TRABD: variants seen among roughly 807,000 people sequenced by gnomAD.
TRABD encodes traB domain-containing protein.
A neutral mutation model predicts 39.6 loss-of-function variants in TRABD; 23 were observed. The observed-to-expected ratio is 0.58, with a 90% CI of 0.42 to 0.82. The LOEUF is 0.82. Ranked by LOEUF, TRABD falls within the 40% of genes least tolerant of loss-of-function variation. The pLI is 0.00. For missense variants in TRABD, 487 were observed against 544.9 expected, an observed-to-expected ratio of 0.89 and a Z score of 1.06; for synonymous variants, 243 against 232.1, an observed-to-expected ratio of 1.05 and a Z score of -0.43.
rs1157807095 is a variant in TRABD at position 50,198,924 on chromosome 22, G to A, written c.*405G>A. 1.0e-5 allele frequency: 6 copies of A among 589,120 alleles called. No individual in the cohort carries two copies. Among genetic ancestry groups the A allele is most frequent in the Admixed American group, 6.2e-5 (2 of 32,502 alleles). The allele number at this position is 589,120 out of a possible 1,614,324, so 36.5% of individuals were successfully genotyped here. A position where few individuals can be genotyped will look rare whatever the true frequency, so the allele number is the denominator to read the frequency against. On this transcript the variant is annotated 3_prime_UTR_variant, in exon 10 of 10. Coordinates refer to ENST00000380909, the MANE Select transcript of TRABD (RefSeq NM_001320485.2). This position sits in a 1 kb window ranked among gnomAD's most constrained non-coding sequence, Gnocchi z 7.9. ...TCCGGCCACAGGAGCGTCGGCCCAG[G>A]GGCGGCTCCTGGGGGCTCCAGGGCA...
At position 50,196,728 on chromosome 22, in the gene TRABD, G is replaced by C. The variant is rs370623267; in HGVS notation, c.421-513G>C. On this transcript the variant is annotated intron_variant, in intron 5 of 9. Transcript: ENST00000380909. ...TTCTTCTTTTTTTTTTTTTGAGACA[G>C]AGCAGTCTCACTCTGTCACCCAGGC... 4.6e-5 allele frequency among the ~76,000 whole-genome samples: 7 copies of C among 150,874 alleles called. No individual in the cohort carries two copies. The South Asian group carries it at 1.3e-3, about 27-fold the overall frequency.
rs752114049 is a variant in TRABD at position 50,197,856 on chromosome 22, C to A, written c.705C>A (p.Asp235Glu). 12 of 1,608,874 alleles carry A rather than the reference C, an allele frequency of 7.5e-6. No homozygotes were observed. The highest frequency in any genetic ancestry group is 9.3e-6 in the Non-Finnish European group (11 of 1,178,996). ...KDDVERCKQK[D>E]LLEQMMAEMI... ...ACGTGGAACGCTGCAAGCAGAAGGA[C>A]CTACTGGAGCAGATGATGGCCGAGA... is the stretch of plus-strand genomic sequence containing the variant. Residue 235 changes from aspartate to glutamate, a missense_variant, in exon 8 of 10, where the codon GAC becomes GAA. Asp to Glu is a conservative substitution (Grantham distance 45, BLOSUM62 2). Transcript: ENST00000380909.
rs372703900 is a variant in TRABD, at chr22:50,198,953, G to A, written c.*434G>A. The A allele has an allele frequency of 3.5e-4, 212 of 604,528 alleles. 3 individuals are homozygous for A. The East Asian group carries it at 4.8e-3, about 14-fold the overall frequency. 37.4% of individuals were successfully genotyped at this position (604,528 alleles called of 1,614,324 possible). A position where few individuals can be genotyped will look rare whatever the true frequency, so the allele number is the denominator to read the frequency against. On this transcript the variant is annotated 3_prime_UTR_variant, in exon 10 of 10. Coordinates refer to ENST00000380909, the MANE Select transcript of TRABD (RefSeq NM_001320485.2). The surrounding 1 kb of genome is among the most constrained non-coding windows in gnomAD (Gnocchi z 7.9). ...GGCTCCTGGGGGCTCCAGGGCAGGC[G>A]AGACTGGGAAAGGCCCAGCCCTGGA... is the stretch of plus-strand genomic sequence containing the variant.
intron 1 of TRABD, among the ~76,000 whole-genome samples, chr22:50,190,810 G>C (rs189940980): frequency 6.6e-6 from 1 of 152,198 alleles, no homozygotes; most frequent in Non-Finnish European, 1.5e-5. Context: ...GGTTCCGGTC[G>C]GGTTGCATCG....
At chr22:50,193,128 G>A in intron 2 of TRABD, 35 bp downstream of exon 2, 1 of 1,521,746 alleles carries the variant, frequency 6.6e-7, no homozygotes, top group Non-Finnish European at 8.8e-7. Flanking sequence ...CACAGAGACA[G>A]GGGCGGGGGG....
At chr22:50,197,799 G>T in intron 7 of TRABD, 24 bp from the exon 8 acceptor site, 6 of 1,605,650 alleles carry the variant, frequency 3.7e-6, no homozygotes, top group Non-Finnish European at 5.1e-6. Flanking sequence ...ATCCCTGCGG[G>T]GCTGCAGCCA....
chr22:50,197,401 G>T, intron 6 of TRABD, 48 bp from the exon 7 acceptor site: 1 of 1,612,260 alleles, frequency 6.2e-7, no homozygotes, highest in Non-Finnish European at 8.5e-7. Flanking sequence ...GGCTCACAGG[G>T]GTGGTCCGGG....
chr22:50,186,971 A>G (rs2063775493), intron 1 of TRABD, among the ~76,000 whole-genome samples: 1 of 152,238 alleles, frequency 6.6e-6, no homozygotes. Context: ...CAGCCTCGGT[A>G]GCCTCCAGAT....
In TRABD at chr22:50,193,244, G is replaced by A; in HGVS notation, c.33+151G>A. The A allele has an allele frequency of 1.4e-5, 15 of 1,054,676 alleles. 1 individual carries two copies. The South Asian group carries it at 2.5e-4, about 18-fold the overall frequency. The allele number at this position is 1,054,676 out of a possible 1,614,324, so 65.3% of individuals were successfully genotyped here. A position where few individuals can be genotyped will look rare whatever the true frequency, so the allele number is the denominator to read the frequency against. On this transcript the variant is annotated intron_variant, in intron 2 of 9. Coordinates refer to ENST00000380909, the MANE Select transcript of TRABD (RefSeq NM_001320485.2). Reference sequence around the variant, plus strand: ...AGGCAGGAGGCACCTCCGAGGGAGAGGGGCGCTGGGCTGAGGTGGCCTGGT... The same window carrying A: ...AGGCAGGAGGCACCTCCGAGGGAGAAGGGCGCTGGGCTGAGGTGGCCTGGT...
Position 50,196,982 on chromosome 22 carries a change from G to A in TRABD, c.421-259G>A, listed in dbSNP as rs190683767. 2,092 of 478,250 alleles carry A rather than the reference G, an allele frequency of 4.4e-3. 20 individuals carry two copies. The highest frequency in any genetic ancestry group is 0.018 in the South Asian group (657 of 36,410). The allele number at this position is 478,250 out of a possible 1,614,324, so 29.6% of individuals were successfully genotyped here. Reference sequence around the variant, plus strand: ...CAAAGTGCTGGGATGACAGGCGTGCGCCACTGCACCCGGCCCGTGAAGGTC... The same window carrying A: ...CAAAGTGCTGGGATGACAGGCGTGCACCACTGCACCCGGCCCGTGAAGGTC... On this transcript the variant is annotated intron_variant, in intron 5 of 9. Coordinates refer to ENST00000380909, the MANE Select transcript of TRABD (RefSeq NM_001320485.2).
chr22:50,196,121 A>G (rs966758662), intron 5 of TRABD, among the ~76,000 whole-genome samples: 5 of 152,136 alleles, frequency 3.3e-5, no homozygotes, highest in African/African-American at 1.2e-4. Flanking sequence ...GGGAGACACC[A>G]GGTGTCCGCT....
In TRABD at chr22:50,198,336, C is replaced by A; in HGVS notation, c.957-9C>A. 6.4e-7 allele frequency: 1 copy of A among 1,561,278 alleles called. No individual in the cohort carries two copies. The highest frequency in any genetic ancestry group is 1.2e-5 in the South Asian group (1 of 84,640). On this transcript the variant is annotated splice_polypyrimidine_tract_variant and intron_variant, in intron 9 of 9. Coordinates refer to ENST00000380909, the MANE Select transcript of TRABD (RefSeq NM_001320485.2). The surrounding 1 kb of genome is among the most constrained non-coding windows in gnomAD (Gnocchi z 7.9). Reference sequence around the variant, plus strand: ...CCCAGCCAGGCCCAGCGCCCCCTCCCTCCCACAGCGTGCCCCCGCCGTCCG... The same window carrying A: ...CCCAGCCAGGCCCAGCGCCCCCTCCATCCCACAGCGTGCCCCCGCCGTCCG...
chr22:50,197,318 C>A lies in TRABD; in HGVS notation c.498C>A (p.Ala166=), dbSNP rs1285057853. 8 of 1,613,724 alleles carry A rather than the reference C, an allele frequency of 5.0e-6. 1 individual carries two copies. The South Asian group carries it at 8.8e-5, about 18-fold the overall frequency. The change falls in exon 6 of 10, where the codon GCC becomes GCA. Residue 166 remains alanine (A), a synonymous_variant. Coordinates refer to ENST00000380909, the MANE Select transcript of TRABD (RefSeq NM_001320485.2). ...SAHITEQLGM[A]PGGEFREAFK... is the part of the protein sequence containing the mutation. ...ACATCACCGAGCAGCTGGGCATGGC[C>A]CCAGGTGGCGAGTTCAGGGAGGCCT...
At position 50,194,441 on chromosome 22, in the gene TRABD, G is replaced by T; in HGVS notation, c.214G>T (p.Gly72Trp). Residue 72 changes from glycine to tryptophan, a missense_variant, in exon 4 of 10, where the codon GGG becomes TGG. Transcript: ENST00000380909. ...TGTGACCCAGTTGGTGGCTGAGGAC[G>T]GGAGCAGGGTGTACGTGGTGGGGAC... Reference protein sequence around the residue: ...RTVTQLVAEDGSRVYVVGTAH... With the variant: ...RTVTQLVAEDWSRVYVVGTAH... 1 of 1,611,816 alleles carries T rather than the reference G, an allele frequency of 6.2e-7. No individual in the cohort carries two copies. The highest frequency in any genetic ancestry group is 8.5e-7 in the Non-Finnish European group (1 of 1,179,336).
Position 50,188,687 on chromosome 22 carries a change from G to C in TRABD, c.-35+2711G>C, listed in dbSNP as rs2063819535. Among the ~76,000 whole-genome samples, 3 of 152,190 alleles carry C rather than the reference G, an allele frequency of 2.0e-5. No individual in the cohort carries two copies. In the South Asian group the frequency reaches 6.2e-4, roughly 31 times the overall value. On this transcript the variant is annotated intron_variant, in intron 1 of 9. Transcript: ENST00000380909. Reference sequence around the variant, plus strand: ...CTAATACCTTCATAGTGGGAGTTAGGGCTCTAACCTGTGGGTTTTGGGGGA... The same window carrying C: ...CTAATACCTTCATAGTGGGAGTTAGCGCTCTAACCTGTGGGTTTTGGGGGA...
In TRABD at chr22:50,198,420, C is replaced by A; in HGVS notation, c.1032C>A (p.Tyr344Ter). 1 of 1,597,446 alleles carries A rather than the reference C, an allele frequency of 6.3e-7. No individual in the cohort carries two copies. The change falls in exon 10 of 10, where the codon TAC becomes TAA. Residue 344 changes from tyrosine (Y) to a stop codon, truncating the protein, a stop_gained. Coordinates refer to ENST00000380909, the MANE Select transcript of TRABD (RefSeq NM_001320485.2). LOFTEE classifies it high-confidence loss of function. This position sits in a 1 kb window ranked among gnomAD's most constrained non-coding sequence, Gnocchi z 7.9. Reference protein sequence around the residue: ...VKAAFFGLLGYSLYWMGRRTA... With the variant: ...VKAAFFGLLG The stretch of plus-strand genomic sequence containing the variant: ...CCGCCTTCTTCGGCCTGCTGGGCTA[C>A]AGCCTGTACTGGATGGGCCGCCGCA...
In TRABD at chr22:50,197,437, C is replaced by T. The variant is rs2064155076; in HGVS notation, c.532-12C>T. 8 of 1,613,558 alleles carry T rather than the reference C, an allele frequency of 5.0e-6. No individual in the cohort carries two copies. The highest frequency in any genetic ancestry group is 6.8e-6 in the Non-Finnish European group (8 of 1,179,812). The stretch of plus-strand genomic sequence containing the variant: ...GTTCCCACTGCTCCCCAACACCCAG[C>T]CTCTGCTCCAGGCCAGCAAGGTGCC... On this transcript the variant is annotated splice_polypyrimidine_tract_variant and intron_variant, in intron 6 of 9. Transcript: ENST00000380909.
chr22:50,194,138 G>T (rs547747456), intron 3 of TRABD, among the ~76,000 whole-genome samples: 2 of 152,228 alleles, frequency 1.3e-5, no homozygotes, highest in Non-Finnish European at 2.9e-5. Context: ...TCTCGAAGCC[G>T]TGCAGCTCAC....
Position 50,198,506 on chromosome 22 carries a change from C to A in TRABD, c.1118C>A (p.Ala373Asp). Residue 373 changes from alanine (A) to aspartate (D), a missense_variant, in exon 10 of 10, where the codon GCC becomes GAC. By Grantham distance (126) the Ala-to-Asp change is moderately radical. This residue lies in a region of TRABD where 123 missense variants were observed against 108.3 expected (regional missense o/e 1.14). Transcript: ENST00000380909. The surrounding 1 kb of genome is among the most constrained non-coding windows in gnomAD (Gnocchi z 7.9). ...AQYCLQRVTE[A>D]RHK ...TACTGCCTGCAGAGGGTGACCGAGG[C>A]CCGGCACAAGTAGGAGACTGCTCCC... is the stretch of plus-strand genomic sequence containing the variant. The A allele has an allele frequency of 6.4e-7, 1 of 1,566,982 alleles. No individual in the cohort carries two copies.
Sources: gnomAD v4.1 joint callset for allele counts (sites outside exome capture counted in the v4.1 genomes callset) on GRCh38, gnomAD v4.1.1 for gene constraint, gnomAD v4.1.1 regional missense constraint, Gnocchi (gnomAD v3.1) non-coding constraint, MANE v1.5 for transcripts, NCBI Gene and HGNC (gene_info 2026-07-23, HGNC 2026-07-21) for gene names.